FHIT: variants seen among roughly 807,000 people sequenced by gnomAD.
FHIT encodes the protein fragile histidine triad diadenosine triphosphatase.
In FHIT, 19 loss-of-function variants were observed where a neutral mutation model predicts 17.9. The ratio of observed to expected loss-of-function variants is 1.06; its 90% CI spans 0.74 to 1.56. The LOEUF (loss-of-function observed/expected upper bound fraction) is 1.56, where lower values mean the gene tolerates loss of function less well. FHIT is among the 40% of genes most tolerant of loss of function. The pLI, the probability that FHIT is intolerant of heterozygous loss-of-function variation, is 0.00. For missense variants in FHIT, 248 were observed against 189.2 expected, an observed-to-expected ratio of 1.31 and a Z score of -1.82; for synonymous variants, 81 against 69.7, an observed-to-expected ratio of 1.16 and a Z score of -0.81.
chr3:60,204,039 T>C (rs213311), intron 5 of FHIT, among the ~76,000 whole-genome samples: 60,622 of 152,080 alleles, frequency 0.4, 13,518 homozygotes, highest in East Asian at 0.62. Flanking sequence ...AAGGTGATTA[T>C]AGTAAATAAT....
chr3:60,044,984 T>G (rs1428470941), intron 5 of FHIT, among the ~76,000 whole-genome samples: 1 of 152,174 alleles, frequency 6.6e-6, no homozygotes, highest in East Asian at 1.9e-4. Context: ...GAAGTTATTT[T>G]GACCCAAAGT....
intron 4 of FHIT, among the ~76,000 whole-genome samples, chr3:60,620,746 C>T (rs1465565487): frequency 1.3e-5 from 2 of 152,072 alleles, no homozygotes; most frequent in Non-Finnish European, 2.9e-5. Flanking sequence ...CATTCAACAG[C>T]TGTCAAAACC....
At chr3:61,220,852 A>C (rs886081899) in intron 1 of FHIT, among the ~76,000 whole-genome samples, 4 of 152,350 alleles carry the variant, frequency 2.6e-5, no homozygotes, top group South Asian at 4.1e-4. Flanking sequence ...TTCACAAAAC[A>C]ATAAGTTATC....
intron 5 of FHIT, among the ~76,000 whole-genome samples, chr3:60,182,608 T>C (rs1261377691): frequency 6.6e-6 from 1 of 151,728 alleles, no homozygotes; most frequent in African/African-American, 2.4e-5. Context: ...CAAGTTCCTG[T>C]CTCTACAAAA....
chr3:60,735,045 A>G (rs1049543952), intron 4 of FHIT, among the ~76,000 whole-genome samples: 5 of 152,362 alleles, frequency 3.3e-5, no homozygotes, highest in African/African-American at 1.2e-4. Flanking sequence ...ATTACCTTTA[A>G]CTATAAGAAA....
intron 4 of FHIT, among the ~76,000 whole-genome samples, chr3:60,705,848 C>G (rs930467418): frequency 6.6e-6 from 1 of 152,200 alleles, no homozygotes; most frequent in Non-Finnish European, 1.5e-5. Context: ...CTAGCTGACC[C>G]TCTTAATACT....
intron 4 of FHIT, among the ~76,000 whole-genome samples, chr3:60,645,110 T>C (rs1400389357): frequency 6.6e-6 from 1 of 152,120 alleles, no homozygotes; most frequent in East Asian, 1.9e-4. Flanking sequence ...GCATCTGCCT[T>C]GGACTTCATA....
chr3:60,815,476 C>T (rs1165219156), intron 4 of FHIT, among the ~76,000 whole-genome samples: 2 of 152,068 alleles, frequency 1.3e-5, no homozygotes, highest in African/African-American at 4.8e-5. Context: ...TATCCCAGCG[C>T]CATTTATTAA....
intron 5 of FHIT, among the ~76,000 whole-genome samples, chr3:60,387,019 T>C (rs1701037622): frequency 2.4e-5 from 3 of 127,282 alleles, no homozygotes; most frequent in Middle Eastern, 3.8e-3. Context: ...AAATTCTATT[T>C]ATTCTTTTTT....
chr3:60,092,933 G>A (rs924976773), intron 5 of FHIT, among the ~76,000 whole-genome samples: 2 of 152,138 alleles, frequency 1.3e-5, no homozygotes, highest in Admixed American at 6.5e-5. Flanking sequence ...CCAGCTTGGT[G>A]CCAAAGACAT....
intron 5 of FHIT, among the ~76,000 whole-genome samples, chr3:60,107,024 T>C (rs1290450762): frequency 1.3e-5 from 2 of 152,160 alleles, no homozygotes; most frequent in Non-Finnish European, 2.9e-5. Context: ...GGTGGTTTTA[T>C]AATAGGTGAA....
chr3:59,836,937 T>C (rs1701359261), intron 8 of FHIT, among the ~76,000 whole-genome samples: 1 of 152,220 alleles, frequency 6.6e-6, no homozygotes, highest in African/African-American at 2.4e-5. Flanking sequence ...AAGATTTGAC[T>C]TGTTATAGTG....
At chr3:60,767,873 A>C (rs1187249943) in intron 4 of FHIT, among the ~76,000 whole-genome samples, 1 of 152,192 alleles carries the variant, frequency 6.6e-6, no homozygotes, top group Non-Finnish European at 1.5e-5. Flanking sequence ...TCCACTGTCT[A>C]TTACATTGGG....
chr3:60,560,802 GACAC>G (rs71092614), intron 4 of FHIT, among the ~76,000 whole-genome samples: 26,440 of 128,408 alleles, frequency 0.21, 2,678 homozygotes, highest in Admixed American at 0.23. Flanking sequence ...GATGTAAGGA[GACAC>G]ACACACACAC....
At chr3:60,807,714 G>C (rs191407914) in intron 4 of FHIT, among the ~76,000 whole-genome samples, 197 of 152,250 alleles carry the variant, frequency 1.3e-3, no homozygotes, top group African/African-American at 4.6e-3. Flanking sequence ...CACCCTGTTT[G>C]TCCCCAGGAT....
intron 5 of FHIT, among the ~76,000 whole-genome samples, chr3:60,425,776 A>T (rs1366323449): frequency 6.7e-6 from 1 of 150,090 alleles, no homozygotes; most frequent in Non-Finnish European, 1.5e-5. Context: ...CACCCAATTA[A>T]TTTTATAATC....
intron 2 of FHIT, among the ~76,000 whole-genome samples, chr3:61,127,442 T>TA (rs1027384758): frequency 3.3e-5 from 5 of 152,074 alleles, no homozygotes; most frequent in African/African-American, 1.2e-4. Flanking sequence ...AATTGGCAAA[T>TA]AAAATGCCAA....
At chr3:60,373,027 T>C (rs1576556291) in intron 5 of FHIT, among the ~76,000 whole-genome samples, 2 of 139,730 alleles carry the variant, frequency 1.4e-5, no homozygotes, top group African/African-American at 4.9e-5. Context: ...TAAAATCATA[T>C]GAAATTTATT....
chr3:60,000,510 C>T (rs1699687824), intron 7 of FHIT, among the ~76,000 whole-genome samples: 1 of 152,104 alleles, frequency 6.6e-6, no homozygotes, highest in Admixed American at 6.6e-5. Context: ...TCTGCCAACC[C>T]CTGGTGTGTA....
Sources: allele counts gnomAD v4.1 joint callset (sites outside exome capture counted in the v4.1 genomes callset), GRCh38; gene constraint gnomAD v4.1.1; transcripts MANE v1.5; gene names NCBI Gene and HGNC (gene_info 2026-07-23, HGNC 2026-07-21).